CASZ1: variants seen among roughly 807,000 people sequenced by gnomAD.
CASZ1 encodes castor zinc finger 1, also known as zinc finger protein castor homolog 1.
CASZ1 carries 28 observed loss-of-function variants against 135.2 expected under a neutral mutation model. That is an observed-to-expected ratio of 0.21 (90% CI 0.15 to 0.28). The LOEUF is 0.28. Among genes scored for constraint, CASZ1 ranks in the 10% least tolerant of loss-of-function variants. The pLI, the probability that CASZ1 is intolerant of heterozygous loss-of-function variation, is 1.00. For missense variants in CASZ1, 2,161 were observed against 2,453.3 expected, an observed-to-expected ratio of 0.88 and a Z score of 2.52; for synonymous variants, 1,068 against 1,073.4, an observed-to-expected ratio of 0.99 and a Z score of 0.10.
intron 2 of CASZ1, among the ~76,000 whole-genome samples, chr1:10,734,619 G>A (rs1639761703): frequency 6.6e-6 from 1 of 152,016 alleles, no homozygotes; most frequent in Admixed American, 6.6e-5. Context: ...GGGAATTAAC[G>A]TGACAAAAGC....
chr1:10,758,562 C>T (rs1436937809), intron 2 of CASZ1, among the ~76,000 whole-genome samples: 1 of 152,114 alleles, frequency 6.6e-6, no homozygotes, highest in African/African-American at 2.4e-5. Flanking sequence ...AAACTCCTGA[C>T]CTCAAGTGAT....
At chr1:10,765,984 G>A (rs1640467782) in intron 1 of CASZ1, among the ~76,000 whole-genome samples, 1 of 152,198 alleles carries the variant, frequency 6.6e-6, no homozygotes, top group African/African-American at 2.4e-5. Context: ...AAAAAAGGGC[G>A]TGTCGCCAGA....
chr1:10,746,542 CCCTTGCCTGGG>C (rs1369250421), intron 2 of CASZ1, among the ~76,000 whole-genome samples: 1 of 152,188 alleles, frequency 6.6e-6, no homozygotes, highest in African/African-American at 2.4e-5. Flanking sequence ...GATGAGGGCC[CCCTTGCCTGGG>C]TCTGGCATCA....
chr1:10,660,172 G>A lies in CASZ1; in HGVS notation c.870C>T (p.Thr290=), dbSNP rs753342965. 2 of 1,613,834 alleles carry A rather than the reference G, an allele frequency of 1.2e-6. No individual in the cohort carries two copies. The highest frequency in any genetic ancestry group is 1.7e-6 in the Non-Finnish European group (2 of 1,179,942). The part of the protein sequence containing the change: ...SSTAHLETKA[T]ILPLPSHSSV... ...TGCTGTGCGACGGCAGGGGCAGGATGGTGGCCTTGGTCTCCAGGTGGGCCG... is the reference window on the plus strand; with the variant it reads ...TGCTGTGCGACGGCAGGGGCAGGATAGTGGCCTTGGTCTCCAGGTGGGCCG... Residue 290 remains threonine (T), a synonymous_variant, in exon 6 of 21, where the codon ACC becomes ACT. Coordinates refer to ENST00000377022, the MANE Select transcript of CASZ1 (RefSeq NM_001079843.3).
chr1:10,772,670 C>G (rs1640596811), intron 1 of CASZ1, among the ~76,000 whole-genome samples: 1 of 152,174 alleles, frequency 6.6e-6, no homozygotes, highest in Non-Finnish European at 1.5e-5. Context: ...AGGGTGTCCA[C>G]CTGAGTGCCA....
chr1:10,733,867 C>T (rs1008587966), intron 2 of CASZ1, among the ~76,000 whole-genome samples: 14 of 152,194 alleles, frequency 9.2e-5, no homozygotes, highest in Non-Finnish European at 1.6e-4. Flanking sequence ...TGGCACCTGC[C>T]TCACAGGGCT....
intron 4 of CASZ1, among the ~76,000 whole-genome samples, chr1:10,690,924 G>A (rs879473558): frequency 2.2e-4 from 33 of 152,256 alleles, no homozygotes; most frequent in South Asian, 1.5e-3. Flanking sequence ...AATCAGCCTG[G>A]TGGGACCTAA....
intron 17 of CASZ1, among the ~76,000 whole-genome samples, chr1:10,645,864 T>C (rs890866284): frequency 6.6e-6 from 1 of 152,064 alleles, no homozygotes; most frequent in Non-Finnish European, 1.5e-5. Context: ...GCAAGAATGA[T>C]GTCAAGGGCA....
At position 10,767,081 on chromosome 1, in the gene CASZ1, G is replaced by T. The variant is rs756157353; in HGVS notation, c.-233-6224C>A. Among the ~76,000 whole-genome samples, 9 of 152,224 alleles carry T rather than the reference G, an allele frequency of 5.9e-5. No homozygotes were observed. Among genetic ancestry groups the T allele is most frequent in the Non-Finnish European group, 1.0e-4 (7 of 68,050 alleles). On this transcript the variant is annotated intron_variant, in intron 1 of 20. Coordinates refer to ENST00000377022, the MANE Select transcript of CASZ1 (RefSeq NM_001079843.3). The surrounding 1 kb of genome is among the most constrained non-coding windows in gnomAD (Gnocchi z 4.2). ...CAGAAGGAAAACAGAAATCCTCTGCGCCCGTTGACTGCTGATGGAAGGAAC... is the reference window on the plus strand; with the variant it reads ...CAGAAGGAAAACAGAAATCCTCTGCTCCCGTTGACTGCTGATGGAAGGAAC...
At chr1:10,660,643 G>A in intron 5 of CASZ1, 107 bp from the exon 6 acceptor site, 1 of 805,992 alleles carries the variant, frequency 1.2e-6, no homozygotes, top group Non-Finnish European at 2.0e-6. Context: ...AGTGTGGGGA[G>A]GGGCGGAGCA....
At chr1:10,748,929 G>A (rs1470693781) in intron 2 of CASZ1, among the ~76,000 whole-genome samples, 2 of 152,178 alleles carry the variant, frequency 1.3e-5, no homozygotes, top group Admixed American at 1.3e-4. Flanking sequence ...TCAGTCTGGT[G>A]AGGCCTCCCT....
At chr1:10,751,141 C>T (rs376100219) in intron 2 of CASZ1, among the ~76,000 whole-genome samples, 12 of 151,828 alleles carry the variant, frequency 7.9e-5, no homozygotes, top group African/African-American at 2.4e-4. Context: ...GTTTCAGATG[C>T]GGCTAAAAGG....
At chr1:10,781,791 C>A (rs924420445) in intron 1 of CASZ1, among the ~76,000 whole-genome samples, 5 of 152,210 alleles carry the variant, frequency 3.3e-5, no homozygotes, top group Non-Finnish European at 7.3e-5. Context: ...TTCATCTAAT[C>A]CTCACAGCAA....
At chr1:10,662,957 C>T (rs531721833) in intron 5 of CASZ1, among the ~76,000 whole-genome samples, 26 of 152,348 alleles carry the variant, frequency 1.7e-4, no homozygotes, top group African/African-American at 6.3e-4. Flanking sequence ...ATGGCCGAGC[C>T]GTGACCCCAG....
chr1:10,794,851 T>C lies in CASZ1; in HGVS notation c.-234+1713A>G, dbSNP rs1641033952. On this transcript the variant is annotated intron_variant, in intron 1 of 20. Transcript: ENST00000377022. This position sits in a 1 kb window ranked among gnomAD's most constrained non-coding sequence, Gnocchi z 5.6. ...GAGCTTCCAGCGCCGGGGACAGACA[T>C]TCGCCCAAACGCTCCGCAGCGGCCC... Among the ~76,000 whole-genome samples, 1 of 151,730 alleles carries C rather than the reference T, an allele frequency of 6.6e-6. No homozygotes were observed. The highest frequency in any genetic ancestry group is 2.1e-4 in the South Asian group (1 of 4,828).
At chr1:10,672,729 C>T (rs1429892025) in intron 4 of CASZ1, among the ~76,000 whole-genome samples, 1 of 152,186 alleles carries the variant, frequency 6.6e-6, no homozygotes, top group Non-Finnish European at 1.5e-5. Flanking sequence ...AGGTCGGCAG[C>T]TGCGCTGGGG....
intron 4 of CASZ1, among the ~76,000 whole-genome samples, chr1:10,670,412 T>C (rs1643363479): frequency 6.6e-6 from 1 of 152,170 alleles, no homozygotes. Context: ...GCCTCCCGCC[T>C]AGGCATCCTG....
At chr1:10,678,981 C>CGCCCGTCT (rs1179412648) in intron 4 of CASZ1, among the ~76,000 whole-genome samples, 1 of 152,172 alleles carries the variant, frequency 6.6e-6, no homozygotes, top group Non-Finnish European at 1.5e-5. Flanking sequence ...GCAGGACAGA[C>CGCCCGTCT]GCCCGTCTGC....
rs779755173 is a variant in CASZ1 at position 10,639,965 on chromosome 1, C to T, written c.4257G>A (p.Ala1419=). The change falls in exon 21 of 21, where the codon GCG becomes GCA. Residue 1419 remains alanine, a synonymous_variant. Transcript: ENST00000377022. This position sits in a 1 kb window ranked among gnomAD's most constrained non-coding sequence, Gnocchi z 4.0. ...CCTCGTCCAGCATCTTCCGGGAGGA[C>T]GCCGTCTTCCGCCGCTTGCCGAAGG... ...MSPFGKRRKT[A]SSRKMLDEGM... The T allele has an allele frequency of 6.2e-7, 1 of 1,612,860 alleles. No individual in the cohort carries two copies.
Sources: allele counts gnomAD v4.1 joint callset (sites outside exome capture counted in the v4.1 genomes callset), GRCh38; gene constraint gnomAD v4.1.1; non-coding constraint Gnocchi (gnomAD v3.1); transcripts MANE v1.5; gene names NCBI Gene and HGNC (gene_info 2026-07-23, HGNC 2026-07-21).